The following PAK1 variants were observed in gnomAD, a reference collection of about 807,000 sequenced individuals.
The protein encoded by PAK1 is serine/threonine-protein kinase PAK 1.
In PAK1, 29 loss-of-function variants were observed where a neutral mutation model predicts 67.4. The ratio of observed to expected loss-of-function variants is 0.43; its 90% CI spans 0.32 to 0.59. PAK1 has a LOEUF of 0.59. Among genes scored for constraint, PAK1 ranks in the 20% least tolerant of loss-of-function variants. The pLI is 0.07. For missense variants in PAK1, 337 were observed against 670.7 expected (o/e 0.50, Z 5.50); for synonymous variants, 223 against 237.4 (o/e 0.94, Z 0.56).
At chr11:77,406,094 T>A (rs185241617) in intron 1 of PAK1, among the ~76,000 whole-genome samples, 1 of 152,274 alleles carries the variant, frequency 6.6e-6, no homozygotes, top group Admixed American at 6.5e-5. Context: ...CATCCACACA[T>A]CCAAGGCTTG....
chr11:77,422,191 A>T (rs1955302211), intron 1 of PAK1, among the ~76,000 whole-genome samples: 1 of 152,194 alleles, frequency 6.6e-6, no homozygotes, highest in Admixed American at 6.5e-5. Flanking sequence ...AGGTAGCTCC[A>T]ATAAAACACA....
chr11:77,502,367 T>A, the PAK1 span, among the ~76,000 whole-genome samples: 5 of 152,238 alleles, frequency 3.3e-5, no homozygotes, highest in African/African-American at 4.8e-5. Flanking sequence ...GAATATACAA[T>A]CACACAGTTT....
intron 1 of PAK1, among the ~76,000 whole-genome samples, chr11:77,466,910 C>A (rs1252141929): frequency 6.6e-6 from 1 of 152,168 alleles, no homozygotes; most frequent in African/African-American, 2.4e-5. Context: ...TAAAACAACA[C>A]CTGTCCTAGC....
chr11:77,333,371 T>G (rs1418986724), intron 13 of PAK1, among the ~76,000 whole-genome samples: 1 of 152,056 alleles, frequency 6.6e-6, no homozygotes, highest in Non-Finnish European at 1.5e-5. Context: ...CTGCTTTTCG[T>G]ATTTTCAGTA....
intron 9 of PAK1, among the ~76,000 whole-genome samples, chr11:77,345,350 T>A (rs981769530): frequency 7.1e-6 from 1 of 141,320 alleles, no homozygotes; most frequent in Non-Finnish European, 1.6e-5. Context: ...AAAAAAAAAA[T>A]GGCAATGGGC....
the PAK1 span, among the ~76,000 whole-genome samples, chr11:77,486,770 G>A: frequency 6.6e-6 from 1 of 152,210 alleles, no homozygotes; most frequent in Non-Finnish European, 1.5e-5. Flanking sequence ...TATCTGGGTG[G>A]GGAATTGTCT....
chr11:77,357,420 G>A (rs1946181817), intron 6 of PAK1, among the ~76,000 whole-genome samples: 1 of 152,142 alleles, frequency 6.6e-6, no homozygotes, highest in South Asian at 2.1e-4. Context: ...TTCTATTCTT[G>A]TACCTGTAGA....
At chr11:77,353,389 G>A in intron 8 of PAK1, 147 bp downstream of exon 8, 1 of 607,860 alleles carries the variant, frequency 1.6e-6, no homozygotes, top group East Asian at 2.8e-5. Flanking sequence ...TCTCAAGTCA[G>A]TCTCACATAA....
chr11:77,515,709 T>A, the PAK1 span, among the ~76,000 whole-genome samples: 1 of 152,174 alleles, frequency 6.6e-6, no homozygotes, highest in Admixed American at 6.5e-5. Context: ...ATGACTGCCA[T>A]AAAAATAAAT....
chr11:77,424,774 C>T (rs772037262), intron 1 of PAK1, among the ~76,000 whole-genome samples: 2 of 152,200 alleles, frequency 1.3e-5, no homozygotes, highest in Admixed American at 6.5e-5. Flanking sequence ...CCTTACCCAA[C>T]GGCTTGAGTA....
chr11:77,375,457 G>T (rs1408498596), intron 4 of PAK1, among the ~76,000 whole-genome samples: 1 of 152,134 alleles, frequency 6.6e-6, no homozygotes, highest in Non-Finnish European at 1.5e-5. Context: ...TAAAGGTAGG[G>T]TCTTGTTTTC....
chr11:77,466,308 A>T (rs890664040), intron 1 of PAK1, among the ~76,000 whole-genome samples: 3 of 152,208 alleles, frequency 2.0e-5, no homozygotes, highest in African/African-American at 4.8e-5. Flanking sequence ...AATAATTTTT[A>T]AAAATGTCTT....
At position 77,325,455 on chromosome 11, in the gene PAK1, T is replaced by G. The variant is rs1939573998; in HGVS notation, c.1552-2095A>C. The G allele has an allele frequency of 2.1e-6, 3 of 1,441,246 alleles. No homozygotes were observed. The South Asian group carries it at 3.8e-5, about 18-fold the overall frequency. 89.3% of individuals were successfully genotyped at this position (1,441,246 alleles called of 1,614,324 possible). A position where few individuals can be genotyped will look rare whatever the true frequency, so the allele number is the denominator to read the frequency against. On this transcript the variant is annotated intron_variant, in intron 14 of 14. Coordinates refer to ENST00000356341, the MANE Select transcript of PAK1 (RefSeq NM_002576.5). ...ATATAAAGTGCTTAGTGCCTAAATATATAAAGTGTTTAGTGCCTAAAATAT... is the reference window on the plus strand; with the variant it reads ...ATATAAAGTGCTTAGTGCCTAAATAGATAAAGTGTTTAGTGCCTAAAATAT...
At chr11:77,387,441 T>G (rs543062898) in intron 2 of PAK1, among the ~76,000 whole-genome samples, 1 of 152,186 alleles carries the variant, frequency 6.6e-6, no homozygotes, top group Non-Finnish European at 1.5e-5. Context: ...CTAAGAGAGA[T>G]AGTTATGTTA....
intron 1 of PAK1, among the ~76,000 whole-genome samples, chr11:77,442,106 G>A (rs1238060833): frequency 6.6e-6 from 1 of 152,136 alleles, no homozygotes; most frequent in Non-Finnish European, 1.5e-5. Flanking sequence ...CTGGAACATG[G>A]AATAGAATCT....
chr11:77,400,169 G>A (rs1952480098), intron 1 of PAK1, among the ~76,000 whole-genome samples: 1 of 152,096 alleles, frequency 6.6e-6, no homozygotes, highest in Non-Finnish European at 1.5e-5. Context: ...CAAAAAATGA[G>A]TGAATGATTT....
chr11:77,353,473 C>T, intron 8 of PAK1, 63 bp downstream of exon 8: 1 of 1,226,760 alleles, frequency 8.2e-7, no homozygotes, highest in Non-Finnish European at 1.2e-6. Flanking sequence ...AAAGCAAAAT[C>T]ATATATGCCG....
intron 1 of PAK1, among the ~76,000 whole-genome samples, chr11:77,456,253 T>C (rs931851330): frequency 2.2e-4 from 33 of 152,052 alleles, no homozygotes; most frequent in Non-Finnish European, 3.4e-4. Context: ...TCTTGGAGCC[T>C]TACAACGTAG....
At chr11:77,431,975 T>G (rs1955881605) in intron 1 of PAK1, among the ~76,000 whole-genome samples, 1 of 152,198 alleles carries the variant, frequency 6.6e-6, no homozygotes, top group Non-Finnish European at 1.5e-5. Context: ...TATCCCACTC[T>G]TGTACTCTAA....
Sources: gnomAD v4.1 joint callset for allele counts (sites outside exome capture counted in the v4.1 genomes callset) on GRCh38, gnomAD v4.1.1 for gene constraint, MANE v1.5 for transcripts, NCBI Gene and HGNC (gene_info 2026-07-23, HGNC 2026-07-21) for gene names.